Variants in TMEM108 observed in about 807,000 individuals in gnomAD.
TMEM108 encodes cancer/testis antigen 124.
Under a neutral mutation model 35.1 loss-of-function variants are expected in TMEM108, and 12 were observed. That is an observed-to-expected ratio of 0.34 (90% confidence interval 0.22 to 0.55). The LOEUF is 0.55. Ranked by LOEUF, TMEM108 falls within the 20% of genes least tolerant of loss-of-function variation. TMEM108 has a pLI of 0.89. For synonymous variants in TMEM108, 287 were observed against 308.6 expected (o/e 0.93, Z 0.73); for missense variants, 680 against 753.3 (o/e 0.90, Z 1.14).
At chr3:133,347,274 A>G (rs555391190) in intron 3 of TMEM108, among the ~76,000 whole-genome samples, 1 of 152,256 alleles carries the variant, frequency 6.6e-6, no homozygotes, top group East Asian at 1.9e-4. Context: ...TGAACATAGA[A>G]TATCTCTCCA....
intron 2 of TMEM108, among the ~76,000 whole-genome samples, chr3:133,203,282 T>A (rs4582062): frequency 1 from 152,232 of 152,306 alleles, 76,080 homozygotes; most frequent in Non-Finnish European, 1. Context: ...AATACTCTTT[T>A]TTTCTTTCTC....
chr3:133,156,997 T>G (rs1264122637), intron 2 of TMEM108, among the ~76,000 whole-genome samples: 1 of 152,218 alleles, frequency 6.6e-6, no homozygotes, highest in East Asian at 1.9e-4. Flanking sequence ...GAAATTAATT[T>G]CTGTCATTTA....
chr3:133,182,961 G>A (rs1319467812), intron 2 of TMEM108, among the ~76,000 whole-genome samples: 1 of 152,172 alleles, frequency 6.6e-6, no homozygotes, highest in Non-Finnish European at 1.5e-5. Context: ...TACAAGTTGA[G>A]TATCTCTTAT....
At chr3:133,236,925 T>G (rs1576402506) in intron 3 of TMEM108, among the ~76,000 whole-genome samples, 1 of 152,256 alleles carries the variant, frequency 6.6e-6, no homozygotes, top group African/African-American at 2.4e-5. Flanking sequence ...TGGAAAGCAA[T>G]TTGACTAAAC....
At chr3:133,337,190 C>G (rs1435321649) in intron 3 of TMEM108, among the ~76,000 whole-genome samples, 1 of 152,144 alleles carries the variant, frequency 6.6e-6, no homozygotes, top group Non-Finnish European at 1.5e-5. Flanking sequence ...TCAAAGAACC[C>G]CAGGACCTTT....
At chr3:133,207,300 C>T (rs10935053) in intron 2 of TMEM108, among the ~76,000 whole-genome samples, 48,151 of 150,344 alleles carry the variant, frequency 0.32, 8,487 homozygotes, top group East Asian at 0.48. Flanking sequence ...TGCTTGCCTT[C>T]CATGGGCTGA....
At chr3:133,273,930 CT>C (rs1408751008) in intron 3 of TMEM108, among the ~76,000 whole-genome samples, 1 of 152,172 alleles carries the variant, frequency 6.6e-6, no homozygotes, top group Non-Finnish European at 1.5e-5. Flanking sequence ...GGTTTTACAT[CT>C]CATTTACTCC....
chr3:133,039,313 C>G (rs1458027681), intron 1 of TMEM108, among the ~76,000 whole-genome samples: 2 of 151,928 alleles, frequency 1.3e-5, no homozygotes, highest in African/African-American at 4.8e-5. Context: ...TCTGGGGGTA[C>G]CCAGGAAGGT....
chr3:133,394,181 G>C (rs2107865020), intron 5 of TMEM108, among the ~76,000 whole-genome samples: 1 of 152,348 alleles, frequency 6.6e-6, no homozygotes, highest in South Asian at 2.1e-4. Flanking sequence ...GCAATCATAA[G>C]GTCCCAGTTC....
At chr3:133,039,767 A>G (rs183632935) in intron 1 of TMEM108, among the ~76,000 whole-genome samples, 142 of 152,290 alleles carry the variant, frequency 9.3e-4, no homozygotes, top group African/African-American at 3.3e-3. Flanking sequence ...TGAGATGGAT[A>G]AGGGTCTCTC....
intron 2 of TMEM108, among the ~76,000 whole-genome samples, chr3:133,100,326 A>G (rs1293635708): frequency 6.6e-6 from 1 of 152,220 alleles, no homozygotes; most frequent in Non-Finnish European, 1.5e-5. Flanking sequence ...GTCAAACCAT[A>G]TCACGGGTCA....
intron 2 of TMEM108, among the ~76,000 whole-genome samples, chr3:133,176,675 G>C (rs367633599): frequency 0.013 from 1,984 of 152,104 alleles, 20 homozygotes; most frequent in South Asian, 0.019. Flanking sequence ...GCAGTGTGTA[G>C]AGGGAAATGT....
intron 2 of TMEM108, among the ~76,000 whole-genome samples, chr3:133,143,100 T>C (rs1944663656): frequency 6.6e-6 from 1 of 152,082 alleles, no homozygotes; most frequent in African/African-American, 2.4e-5. Context: ...AAGAAACAAG[T>C]GTATGGTGCT....
chr3:133,062,926 T>C (rs924776181), intron 2 of TMEM108, among the ~76,000 whole-genome samples: 4 of 151,974 alleles, frequency 2.6e-5, no homozygotes, highest in African/African-American at 7.3e-5. Flanking sequence ...GGGGATAGAG[T>C]TCAGCATGTA....
intron 2 of TMEM108, among the ~76,000 whole-genome samples, chr3:133,093,934 T>G (rs1943979424): frequency 6.6e-6 from 1 of 152,154 alleles, no homozygotes; most frequent in Non-Finnish European, 1.5e-5. Flanking sequence ...AACCTGCCAC[T>G]TGCATTTATA....
intron 3 of TMEM108, among the ~76,000 whole-genome samples, chr3:133,374,495 A>G (rs1211199395): frequency 6.6e-6 from 1 of 151,422 alleles, no homozygotes; most frequent in African/African-American, 2.4e-5. Flanking sequence ...TATATAAGCA[A>G]TTTTAAGAGA....
intron 2 of TMEM108, among the ~76,000 whole-genome samples, chr3:133,225,295 C>T (rs1946053217): frequency 6.6e-6 from 1 of 152,240 alleles, no homozygotes; most frequent in Admixed American, 6.5e-5. Context: ...ATCCACCCAC[C>T]TTGGCCTCCC....
chr3:133,229,534 T>C (rs923752323), intron 3 of TMEM108, among the ~76,000 whole-genome samples, 183 bp downstream of exon 3: 1 of 152,210 alleles, frequency 6.6e-6, no homozygotes, highest in African/African-American at 2.4e-5. Context: ...TCTGTTTTAA[T>C]GTTAATGCTG....
At chr3:133,258,109 T>C (rs1346707324) in intron 3 of TMEM108, among the ~76,000 whole-genome samples, 2 of 152,042 alleles carry the variant, frequency 1.3e-5, no homozygotes, top group African/African-American at 2.4e-5. Context: ...GGTGATTAGG[T>C]CATGAGGGTG....
Sources: gnomAD v4.1 joint callset for allele counts (sites outside exome capture counted in the v4.1 genomes callset) on GRCh38, gnomAD v4.1.1 for gene constraint, MANE v1.5 for transcripts, NCBI Gene and HGNC (gene_info 2026-07-23, HGNC 2026-07-21) for gene names.